DPY19L2: variants seen among roughly 807,000 people sequenced by gnomAD.
DPY19L2 encodes dpy-19 like 2, also known as probable C-mannosyltransferase DPY19L2.
A neutral mutation model predicts 97.9 loss-of-function variants in DPY19L2; 34 were observed. The observed-to-expected ratio is 0.35, with a 90% confidence interval of 0.26 to 0.46. DPY19L2 has a LOEUF of 0.46. Ranked by LOEUF, DPY19L2 falls within the 20% of genes least tolerant of loss-of-function variation. DPY19L2 has a pLI of 1.00. For missense variants in DPY19L2, 623 were observed against 911.4 expected (o/e 0.68, Z 4.07); for synonymous variants, 230 against 307.9 (o/e 0.75, Z 2.65).
chr12:63,596,472 C>T (rs1363071998), intron 14 of DPY19L2, among the ~76,000 whole-genome samples: 1 of 152,070 alleles, frequency 6.6e-6, no homozygotes, highest in Non-Finnish European at 1.5e-5. Flanking sequence ...TGAATAAGTA[C>T]AGAAATAACA....
At chr12:63,596,736 A>T (rs1321962259) in intron 14 of DPY19L2, among the ~76,000 whole-genome samples, 1 of 152,194 alleles carries the variant, frequency 6.6e-6, no homozygotes, top group East Asian at 1.9e-4. Flanking sequence ...CACAAGGAAT[A>T]ATCAATCCAG....
intron 6 of DPY19L2, among the ~76,000 whole-genome samples, chr12:63,642,707 T>G (rs1299819010): frequency 2.0e-5 from 3 of 151,936 alleles, no homozygotes; most frequent in Non-Finnish European, 4.4e-5. Context: ...TACATTAGCT[T>G]CATAATACAG....
chr12:63,594,464 A>AGTGTGTGTGTGTGT (rs539673870), intron 15 of DPY19L2, among the ~76,000 whole-genome samples: 17,535 of 124,470 alleles, frequency 0.14, 1,548 homozygotes, highest in Admixed American at 0.15. Flanking sequence ...AGAGAGAGAT[A>AGTGTGTGTGTGTGT]GTGTGTGTGT....
At position 63,600,369 on chromosome 12, in the gene DPY19L2, G is replaced by A. The variant is rs1022302984; in HGVS notation, c.1296C>T (p.Ala432=). 2.5e-6 allele frequency: 4 copies of A among 1,601,202 alleles called. No individual in the cohort carries two copies. The highest frequency in any genetic ancestry group is 3.3e-5 in the Admixed American group (2 of 59,864). ...TCAAAATGATTGTTCCACACCACCA[G>A]GCACTACCTTGAATTAGCTAGAAAA... The part of the protein sequence containing the change: ...KLNFWLIQGS[A]WWCGTIILKF... Residue 432 remains alanine, a synonymous_variant, in exon 13 of 22, where the codon GCC becomes GCT. Coordinates refer to ENST00000324472, the MANE Select transcript of DPY19L2 (RefSeq NM_173812.5).
chr12:63,574,529 A>G (rs1386847531), intron 19 of DPY19L2, among the ~76,000 whole-genome samples: 1 of 151,952 alleles, frequency 6.6e-6, no homozygotes, highest in African/African-American at 2.4e-5. Context: ...TGAATAATAA[A>G]ACAAAACACT....
intron 6 of DPY19L2, among the ~76,000 whole-genome samples, chr12:63,637,099 G>GCAGT (rs1891853007): frequency 6.6e-6 from 1 of 151,904 alleles, no homozygotes; most frequent in African/African-American, 2.4e-5. Context: ...CAGATCATAG[G>GCAGT]GCAATCAAAC....
At chr12:63,655,753 G>C (rs568595659) in intron 4 of DPY19L2, among the ~76,000 whole-genome samples, 5 of 151,916 alleles carry the variant, frequency 3.3e-5, no homozygotes, top group Admixed American at 2.6e-4. Context: ...TCGGGGGGTG[G>C]GTTTCACGCC....
At chr12:63,580,023 T>C (rs1880589299) in intron 19 of DPY19L2, among the ~76,000 whole-genome samples, 1 of 152,126 alleles carries the variant, frequency 6.6e-6, no homozygotes, top group African/African-American at 2.4e-5. Flanking sequence ...TCTGGAAAGG[T>C]ATTTAAAAAT....
chr12:63,625,762 A>G (rs1164763295), intron 7 of DPY19L2, among the ~76,000 whole-genome samples: 1 of 152,064 alleles, frequency 6.6e-6, no homozygotes, highest in South Asian at 2.1e-4. Flanking sequence ...GGCCTCTTTC[A>G]TTGTTGTTAA....
intron 21 of DPY19L2, among the ~76,000 whole-genome samples, chr12:63,567,528 T>C (rs1222244515): frequency 6.6e-6 from 1 of 152,106 alleles, no homozygotes; most frequent in African/African-American, 2.4e-5. Context: ...GGTATCACCT[T>C]TGCCTTAAAT....
At chr12:63,588,745 C>CTTTTTTTTTTTTTT (rs913709153) in intron 16 of DPY19L2, among the ~76,000 whole-genome samples, 1 of 129,922 alleles carries the variant, frequency 7.7e-6, no homozygotes, top group Non-Finnish European at 1.6e-5. Flanking sequence ...AGGAAACTTT[C>CTTTTTTTTTTTTTT]TTTTTTTTTT....
chr12:63,616,316 C>T (rs966723654), intron 11 of DPY19L2, among the ~76,000 whole-genome samples: 1 of 152,086 alleles, frequency 6.6e-6, no homozygotes, highest in Non-Finnish European at 1.5e-5. Flanking sequence ...TATTAGGAGT[C>T]CTCTACTCTG....
At chr12:63,668,575 C>A, upstream of DPY19L2, 1 of 649,062 alleles carries the variant, frequency 1.5e-6, no homozygotes, top group East Asian at 2.8e-5. Context: ...GGAAGCCATT[C>A]GCGCGGGCAG....
In DPY19L2 at chr12:63,571,115, G is replaced by C. The variant is rs1290739641; in HGVS notation, c.1901-258C>G. 2.0e-5 allele frequency among the ~76,000 whole-genome samples: 3 copies of C among 152,104 alleles called. No individual in the cohort carries two copies. In the East Asian group the frequency reaches 5.8e-4, roughly 29 times the overall value. On this transcript the variant is annotated intron_variant, in intron 19 of 21. Transcript: ENST00000324472. ...TAACCTAATCTTCACAGTTCTAAGG[G>C]GTAGGTCCTCTGTTCTTACTTTGTA...
intron 18 of DPY19L2, among the ~76,000 whole-genome samples, chr12:63,582,173 A>G (rs1300802938): frequency 1.3e-5 from 2 of 152,050 alleles, no homozygotes; most frequent in African/African-American, 4.8e-5. Flanking sequence ...ATGTTTGCCT[A>G]ATCACTTGTT....
intron 11 of DPY19L2, among the ~76,000 whole-genome samples, chr12:63,612,240 A>G (rs1887128681): frequency 6.6e-6 from 1 of 152,048 alleles, no homozygotes; most frequent in African/African-American, 2.4e-5. Context: ...GATTTGCACT[A>G]AAGGAAATGT....
At chr12:63,665,692 A>G (rs1896255783) in intron 2 of DPY19L2, 143 bp downstream of exon 2, 2 of 690,852 alleles carry the variant, frequency 2.9e-6, no homozygotes, top group Non-Finnish European at 4.8e-6. Context: ...GGTTTGTAAA[A>G]AAGCAAAATA....
At chr12:63,570,625 C>T in intron 20 of DPY19L2, 133 bp downstream of exon 20, 2 of 929,732 alleles carry the variant, frequency 2.2e-6, no homozygotes, top group Non-Finnish European at 3.1e-6. Flanking sequence ...TTTTAACTTC[C>T]AGTATGAAAA....
chr12:63,668,539 G>T, upstream of DPY19L2: 1 of 835,844 alleles, frequency 1.2e-6, no homozygotes, highest in Non-Finnish European at 1.8e-6. Flanking sequence ...TGGCGACTGT[G>T]AAATGTGGGG....
Sources: gnomAD v4.1 joint callset for allele counts (sites outside exome capture counted in the v4.1 genomes callset) on GRCh38, gnomAD v4.1.1 for gene constraint, MANE v1.5 for transcripts, NCBI Gene and HGNC (gene_info 2026-07-23, HGNC 2026-07-21) for gene names.